Variants in STARD13 observed in about 807,000 individuals in gnomAD.
STARD13 encodes the protein StAR related lipid transfer domain containing 13.
In STARD13, 62 loss-of-function variants were observed where a neutral mutation model predicts 106.4. The ratio of observed to expected loss-of-function variants is 0.58; its 90% confidence interval spans 0.48 to 0.72. The LOEUF (loss-of-function observed/expected upper bound fraction) is 0.72. Among genes scored for constraint, STARD13 ranks in the 30% least tolerant of loss-of-function variants. The probability of loss-of-function intolerance (pLI) is 0.00; values close to 1 mark genes in which losing one functional copy is unlikely to be tolerated. For synonymous variants in STARD13, 565 were observed against 553.0 expected (o/e 1.02, Z -0.31); for missense variants, 1,387 against 1,424.0 (o/e 0.97, Z 0.42).
the STARD13 span, among the ~76,000 whole-genome samples, chr13:33,356,558 A>G: frequency 2.1e-3 from 314 of 152,268 alleles, 1 homozygote; most frequent in African/African-American, 6.9e-3. Context: ...TAAGTTACCC[A>G]TTTTCTGAGT....
At chr13:33,320,488 T>C (rs969323984) in intron 1 of STARD13, among the ~76,000 whole-genome samples, 3 of 152,196 alleles carry the variant, frequency 2.0e-5, no homozygotes, top group Admixed American at 6.5e-5. Flanking sequence ...ATTAGCTAGC[T>C]AGCTAACTAG....
At chr13:33,595,421 A>G in the STARD13 span, among the ~76,000 whole-genome samples, 1 of 152,220 alleles carries the variant, frequency 6.6e-6, no homozygotes, top group Non-Finnish European at 1.5e-5. Context: ...AGATAAGGAC[A>G]GTAGGAGTTA....
At chr13:33,160,882 CTT>C (rs917418205) in intron 3 of STARD13, among the ~76,000 whole-genome samples, 1 of 152,120 alleles carries the variant, frequency 6.6e-6, no homozygotes, top group African/African-American at 2.4e-5. Flanking sequence ...TTAAAATAAA[CTT>C]ATCATATAGA....
chr13:33,593,176 A>T, the STARD13 span, among the ~76,000 whole-genome samples: 1 of 151,854 alleles, frequency 6.6e-6, no homozygotes. Context: ...TTATTTATTT[A>T]TTTTTATTTT....
chr13:33,201,653 C>A (rs888537476), intron 1 of STARD13, among the ~76,000 whole-genome samples: 1 of 152,340 alleles, frequency 6.6e-6, no homozygotes, highest in East Asian at 1.9e-4. Flanking sequence ...TTGAGGCAGG[C>A]CTTCTAGGCC....
the STARD13 span, among the ~76,000 whole-genome samples, chr13:33,490,043 T>A: frequency 4.0e-5 from 6 of 151,764 alleles, no homozygotes; most frequent in Non-Finnish European, 7.4e-5. Context: ...ATTAAGTAAA[T>A]TTTTTTTAAA....
the STARD13 span, among the ~76,000 whole-genome samples, chr13:33,539,342 G>A: frequency 6.6e-6 from 1 of 152,260 alleles, no homozygotes; most frequent in South Asian, 2.1e-4. Flanking sequence ...CCAAGCTGAT[G>A]AATAAATTTA....
chr13:33,341,367 G>T (rs563465883), intron 1 of STARD13, among the ~76,000 whole-genome samples: 1 of 152,052 alleles, frequency 6.6e-6, no homozygotes, highest in African/African-American at 2.4e-5. Context: ...GGCATGGCGC[G>T]GTGCCTCAAG....
the STARD13 span, among the ~76,000 whole-genome samples, chr13:33,605,474 C>T: frequency 6.6e-6 from 1 of 151,462 alleles, no homozygotes; most frequent in Non-Finnish European, 1.5e-5. Flanking sequence ...AAGACCAACA[C>T]TTTTGTAAAA....
At chr13:33,134,348 A>G (rs1444607039) in intron 4 of STARD13, among the ~76,000 whole-genome samples, 1 of 152,236 alleles carries the variant, frequency 6.6e-6, no homozygotes, top group Non-Finnish European at 1.5e-5. Context: ...GGGCACATCC[A>G]AAGCTGTCCT....
intron 1 of STARD13, among the ~76,000 whole-genome samples, chr13:33,295,573 C>T (rs1056574435): frequency 2.0e-5 from 3 of 152,154 alleles, no homozygotes; most frequent in Non-Finnish European, 4.4e-5. Flanking sequence ...CAGGGCTAGA[C>T]TGTGATGGTA....
the STARD13 span, among the ~76,000 whole-genome samples, chr13:33,651,837 G>A: frequency 6.6e-6 from 1 of 152,200 alleles, no homozygotes; most frequent in Non-Finnish European, 1.5e-5. Context: ...GCTGGCGAAA[G>A]TAGAGAGGAA....
intron 4 of STARD13, chr13:33,138,690 G>T (rs570251320): frequency 1.3e-4 from 40 of 316,372 alleles, no homozygotes; most frequent in African/African-American, 6.0e-4. Context: ...CGCGGGAGTG[G>T]AGAGCCCGAG....
Position 33,212,878 on chromosome 13 carries a change from C to T in STARD13, c.170-45256G>A, listed in dbSNP as rs111522520. Among the ~76,000 whole-genome samples, 991 of 152,266 alleles carry T rather than the reference C, an allele frequency of 6.5e-3. 13 individuals carry two copies. Among genetic ancestry groups the T allele is most frequent in the African/African-American group, 0.023 (940 of 41,548 alleles). Reference sequence around the variant, plus strand: ...AGTTACCTTTCCTTATAAAATGACACATTTTCACCTTTTTGTTAGCAAGTA... The same window carrying T: ...AGTTACCTTTCCTTATAAAATGACATATTTTCACCTTTTTGTTAGCAAGTA... On this transcript the variant is annotated intron_variant, in intron 1 of 13. Transcript: ENST00000336934.
the STARD13 span, among the ~76,000 whole-genome samples, chr13:33,442,774 T>C: frequency 6.6e-6 from 1 of 152,204 alleles, no homozygotes; most frequent in South Asian, 2.1e-4. Flanking sequence ...GGGGCCCTCA[T>C]TTCCCAGGAA....
the STARD13 span, among the ~76,000 whole-genome samples, chr13:33,388,427 A>G: frequency 6.6e-6 from 1 of 152,204 alleles, no homozygotes; most frequent in Non-Finnish European, 1.5e-5. Flanking sequence ...GCAGTCACGC[A>G]CAGGTCTAAC....
the STARD13 span, among the ~76,000 whole-genome samples, chr13:33,622,971 C>A: frequency 7.5e-5 from 11 of 146,706 alleles, no homozygotes; most frequent in Non-Finnish European, 1.7e-4. Flanking sequence ...TGGTGGCACA[C>A]GCCTGTAGTC....
chr13:33,650,578 TTACTC>T, the STARD13 span, among the ~76,000 whole-genome samples: 1 of 152,220 alleles, frequency 6.6e-6, no homozygotes, highest in Non-Finnish European at 1.5e-5. Flanking sequence ...TTCTTAATCT[TTACTC>T]TAAAGAAGAA....
upstream of STARD13, among the ~76,000 whole-genome samples, chr13:33,286,479 G>C (rs1429538631): frequency 6.6e-6 from 1 of 152,128 alleles, no homozygotes; most frequent in African/African-American, 2.4e-5. Flanking sequence ...TCACATTTAA[G>C]ACACTGAATC....
Sources: allele counts gnomAD v4.1 joint callset (sites outside exome capture counted in the v4.1 genomes callset), GRCh38; gene constraint gnomAD v4.1.1; transcripts MANE v1.5; gene names NCBI Gene and HGNC (gene_info 2026-07-23, HGNC 2026-07-21).